ADSS1: variants seen among roughly 807,000 people sequenced by gnomAD.
ADSS1 encodes the protein adenylosuccinate synthetase isozyme 1.
A neutral mutation model predicts 59.1 loss-of-function variants in ADSS1; 57 were observed. The observed-to-expected ratio is 0.97, with a 90% CI of 0.78 to 1.20. The LOEUF (loss-of-function observed/expected upper bound fraction) is 1.20. ADSS1 is among the 50% of genes most tolerant of loss of function. The pLI is 0.00. For missense variants in ADSS1, 603 were observed against 610.3 expected (o/e 0.99, Z 0.13); for synonymous variants, 247 against 249.4 (o/e 0.99, Z 0.09).
At chr14:104,728,233 G>A (rs1890777648) in intron 1 of ADSS1, among the ~76,000 whole-genome samples, 1 of 152,144 alleles carries the variant, frequency 6.6e-6, no homozygotes, top group Non-Finnish European at 1.5e-5. Context: ...AGTCAGAGGG[G>A]CAGCTGCCTT....
At chr14:104,730,103 A>G (rs1890866549) in intron 1 of ADSS1, 1 of 1,550,516 alleles carries the variant, frequency 6.4e-7, no homozygotes, top group South Asian at 1.2e-5. Context: ...AACTAGGGTG[A>G]CGCTGGGAGA....
At chr14:104,732,763 C>G (rs1422551318) in intron 1 of ADSS1, among the ~76,000 whole-genome samples, 1 of 152,232 alleles carries the variant, frequency 6.6e-6, no homozygotes, top group East Asian at 1.9e-4. Flanking sequence ...TCCCTTCTCT[C>G]AGTTTCCCTA....
intron 1 of ADSS1, among the ~76,000 whole-genome samples, chr14:104,726,588 G>A (rs945321130): frequency 6.6e-6 from 1 of 152,190 alleles, no homozygotes; most frequent in Admixed American, 6.5e-5. Context: ...GTCGTCAGAG[G>A]CTGGCAGAGG....
chr14:104,735,236 T>C, intron 2 of ADSS1, 114 bp downstream of exon 2: 1 of 968,644 alleles, frequency 1.0e-6, no homozygotes, highest in Non-Finnish European at 1.6e-6. Context: ...GCTCTAGCAG[T>C]AGGCTGGACC....
rs373983765 is a variant in ADSS1, at chr14:104,743,131, G to A, written c.1013G>A (p.Arg338His). Reference sequence around the variant, plus strand: ...GGAGTGACCACAGGCAGGAAGAGGCGCTGCGGCTGGCTCGACCTGATGATT... The same window carrying A: ...GGAGTGACCACAGGCAGGAAGAGGCACTGCGGCTGGCTCGACCTGATGATT... ...EWGVTTGRKR[R>H]CGWLDLMILR... is the part of the protein sequence containing the mutation. Residue 338 changes from arginine to histidine, a missense_variant, in exon 10 of 13, where the codon CGC becomes CAC. Arg to His is a conservative substitution (Grantham distance 29, BLOSUM62 0). Transcript: ENST00000330877. The A allele has an allele frequency of 1.6e-5, 25 of 1,612,688 alleles. No individual in the cohort carries two copies. Among genetic ancestry groups the A allele is most frequent in the Non-Finnish European group, 1.9e-5 (23 of 1,180,018 alleles).
intron 1 of ADSS1, among the ~76,000 whole-genome samples, chr14:104,732,550 C>T (rs951623143): frequency 6.6e-6 from 1 of 152,224 alleles, no homozygotes; most frequent in Non-Finnish European, 1.5e-5. Flanking sequence ...TGGACACCCA[C>T]TGGCCTACGA....
chr14:104,732,983 G>A (rs1477762177), intron 1 of ADSS1, among the ~76,000 whole-genome samples: 1 of 152,142 alleles, frequency 6.6e-6, no homozygotes, highest in Non-Finnish European at 1.5e-5. Context: ...CGTCCCGATG[G>A]ACTGAACCTG....
chr14:104,741,576 T>C (rs1347728277), intron 8 of ADSS1, among the ~76,000 whole-genome samples: 5 of 152,038 alleles, frequency 3.3e-5, no homozygotes, highest in Non-Finnish European at 2.9e-5. Flanking sequence ...CGCACCAGCT[T>C]ACCCTCACCC....
chr14:104,724,499 CAG>C, intron 1 of ADSS1, 37 bp downstream of exon 1: 1 of 1,119,096 alleles, frequency 8.9e-7, no homozygotes, highest in Non-Finnish European at 1.1e-6. Flanking sequence ...CCCCACCGCC[CAG>C]CGAGCCCCCC....
At chr14:104,726,520 A>G (rs1258268036) in intron 1 of ADSS1, among the ~76,000 whole-genome samples, 1 of 152,048 alleles carries the variant, frequency 6.6e-6, no homozygotes, top group Non-Finnish European at 1.5e-5. Flanking sequence ...GTTCTCCCCT[A>G]CCACCGGGCT....
intron 1 of ADSS1, among the ~76,000 whole-genome samples, chr14:104,732,485 C>T (rs34802997): frequency 0.48 from 73,686 of 152,138 alleles, 18,216 homozygotes; most frequent in East Asian, 0.61. Flanking sequence ...CCAGGCTCAG[C>T]GTCCTGAGCT....
Position 104,746,996 on chromosome 14 carries a change from TGTTTTAGTCACAG to T in ADSS1, c.1368_*6del. The T allele has an allele frequency of 6.2e-7, 1 of 1,614,020 alleles. No homozygotes were observed. ...AAGTCAAGAGAGTCGATGATCCAGC[TGTTTTAGTCACAG>T]ACTGAGCTGATCCCAACAGGCCCTG... On this transcript the variant is annotated stop_lost and 3_prime_UTR_variant, in exon 13 of 13. Coordinates refer to ENST00000330877, the MANE Select transcript of ADSS1 (RefSeq NM_152328.5).
At chr14:104,741,549 G>A (rs1194001246) in intron 8 of ADSS1, among the ~76,000 whole-genome samples, 2 of 152,170 alleles carry the variant, frequency 1.3e-5, no homozygotes, top group Admixed American at 6.5e-5. Context: ...GCCATATCCC[G>A]TCCTCACCCC....
In ADSS1 at chr14:104,746,981, A is replaced by G; in HGVS notation, c.1352A>G (p.Glu451Gly). The change falls in exon 13 of 13, where the codon GAG becomes GGG. Residue 451 changes from glutamate (E) to glycine (G), a missense_variant. Physicochemically the swap from Glu to Gly is moderately conservative, Grantham distance 98 (BLOSUM62 -2). Coordinates refer to ENST00000330877, the MANE Select transcript of ADSS1 (RefSeq NM_152328.5). Reference sequence around the variant, plus strand: ...TGGGTTGGTGTTGGCAAGTCAAGAGAGTCGATGATCCAGCTGTTTTAGTCA... The same window carrying G: ...TGGGTTGGTGTTGGCAAGTCAAGAGGGTCGATGATCCAGCTGTTTTAGTCA... ...VKWVGVGKSR[E>G]SMIQLF is the part of the protein sequence containing the mutation. 1 of 1,614,054 alleles carries G rather than the reference A, an allele frequency of 6.2e-7. No homozygotes were observed. Among genetic ancestry groups the G allele is most frequent in the Non-Finnish European group, 8.5e-7 (1 of 1,179,910 alleles).
chr14:104,729,947 C>T (rs532859090), intron 1 of ADSS1: 4 of 1,574,924 alleles, frequency 2.5e-6, no homozygotes, highest in African/African-American at 1.4e-5. Context: ...TGGGCAGAGG[C>T]CCACGAACCT....
intron 10 of ADSS1, 106 bp downstream of exon 10, chr14:104,743,297 G>A: frequency 4.6e-6 from 7 of 1,511,116 alleles, no homozygotes; most frequent in Admixed American, 1.7e-5. Context: ...AAGTCTCCTT[G>A]GACAAGGTTT....
chr14:104,746,894 T>C (rs990133085), intron 12 of ADSS1, 57 bp from the exon 13 acceptor site: 3 of 1,586,458 alleles, frequency 1.9e-6, no homozygotes, highest in Admixed American at 1.7e-5. Flanking sequence ...TAAAGACAAC[T>C]TTTTCTGAAC....
intron 1 of ADSS1, among the ~76,000 whole-genome samples, chr14:104,728,713 C>T (rs188608740): frequency 9.8e-5 from 15 of 152,302 alleles, no homozygotes; most frequent in African/African-American, 3.1e-4. Context: ...TGAAAAGCAC[C>T]GCCGGCCTCC....
chr14:104,727,102 G>A (rs1265314850), intron 1 of ADSS1, among the ~76,000 whole-genome samples: 1 of 152,146 alleles, frequency 6.6e-6, no homozygotes, highest in African/African-American at 2.4e-5. Flanking sequence ...TTTCCACTCT[G>A]CCCAGAGGTG....
Sources: gnomAD v4.1 joint callset for allele counts (sites outside exome capture counted in the v4.1 genomes callset) on GRCh38, gnomAD v4.1.1 for gene constraint, MANE v1.5 for transcripts, NCBI Gene and HGNC (gene_info 2026-07-23, HGNC 2026-07-21) for gene names.